The following MAGI3 variants were observed in gnomAD, a reference collection of about 807,000 sequenced individuals.
The protein encoded by MAGI3 is membrane-associated guanylate kinase, WW and PDZ domain-containing protein 3.
In MAGI3, 43 loss-of-function variants were observed where a neutral mutation model predicts 121.8. That is an observed-to-expected ratio of 0.35 (90% CI 0.28 to 0.46). The LOEUF (loss-of-function observed/expected upper bound fraction) is 0.46. Ranked by LOEUF, MAGI3 falls within the 20% of genes least tolerant of loss-of-function variation. The pLI, the probability that MAGI3 is intolerant of heterozygous loss-of-function variation, is 1.00. For synonymous variants in MAGI3, 553 were observed against 639.3 expected, an observed-to-expected ratio of 0.86 and a Z score of 2.04; for missense variants, 1,547 against 1,797.3, an observed-to-expected ratio of 0.86 and a Z score of 2.52.
At chr1:113,655,716 A>G (rs951858433) in intron 15 of MAGI3, among the ~76,000 whole-genome samples, 1 of 152,134 alleles carries the variant, frequency 6.6e-6, no homozygotes, top group Non-Finnish European at 1.5e-5. Context: ...GTCTTTTAAT[A>G]GCTGTCTGAT....
intron 1 of MAGI3, among the ~76,000 whole-genome samples, chr1:113,433,136 C>T (rs1351912718): frequency 2.0e-5 from 3 of 151,834 alleles, no homozygotes; most frequent in African/African-American, 7.3e-5. Context: ...GCATAATTTC[C>T]TCTATTAATG....
chr1:113,671,606 G>A (rs1647554158), intron 16 of MAGI3, 128 bp from the exon 17 acceptor site: 1 of 771,050 alleles, frequency 1.3e-6, no homozygotes, highest in South Asian at 1.8e-5. Context: ...CAATAGTGCT[G>A]TTCATGCTAA....
At chr1:113,668,412 A>G (rs1647295099) in intron 16 of MAGI3, among the ~76,000 whole-genome samples, 1 of 152,166 alleles carries the variant, frequency 6.6e-6, no homozygotes, top group Non-Finnish European at 1.5e-5. Flanking sequence ...ACATTATGGA[A>G]TAAATATTTG....
intron 1 of MAGI3, among the ~76,000 whole-genome samples, chr1:113,475,554 A>C (rs572215788): frequency 6.6e-6 from 1 of 152,290 alleles, no homozygotes; most frequent in Admixed American, 6.5e-5. Context: ...GCTTATGTTG[A>C]ACCAGCCTTG....
intron 1 of MAGI3, chr1:113,450,060 A>G: frequency 1.9e-6 from 3 of 1,542,276 alleles, no homozygotes; most frequent in Non-Finnish European, 2.7e-6. Flanking sequence ...ATATAATTTG[A>G]GAGACTTCTT....
intron 1 of MAGI3, among the ~76,000 whole-genome samples, chr1:113,507,805 A>G (rs1657417440): frequency 6.6e-6 from 1 of 152,236 alleles, no homozygotes; most frequent in South Asian, 2.1e-4. Context: ...TACCTACTAA[A>G]GAAAGACAGG....
chr1:113,547,200 GT>G (rs1659575380), intron 1 of MAGI3, among the ~76,000 whole-genome samples: 1 of 151,184 alleles, frequency 6.6e-6, no homozygotes, highest in South Asian at 2.1e-4. Context: ...TAATTTAATG[GT>G]TGTTATTTTA....
At chr1:113,539,909 C>A (rs1355476144) in intron 1 of MAGI3, among the ~76,000 whole-genome samples, 1 of 151,926 alleles carries the variant, frequency 6.6e-6, no homozygotes, top group Non-Finnish European at 1.5e-5. Flanking sequence ...CCTCTTCAAC[C>A]TCCCAGGTAG....
At chr1:113,596,541 A>C (rs1033215959) in intron 6 of MAGI3, among the ~76,000 whole-genome samples, 3 of 152,220 alleles carry the variant, frequency 2.0e-5, no homozygotes, top group Non-Finnish European at 4.4e-5. Context: ...ACCATTGAAA[A>C]ATGAATAGAC....
intron 1 of MAGI3, among the ~76,000 whole-genome samples, chr1:113,484,623 T>C (rs1656262766): frequency 6.8e-6 from 1 of 146,600 alleles, no homozygotes; most frequent in African/African-American, 2.5e-5. Context: ...TATATATATA[T>C]ACCTACCTTT....
At chr1:113,505,346 A>G (rs528915184) in intron 1 of MAGI3, among the ~76,000 whole-genome samples, 60 of 152,192 alleles carry the variant, frequency 3.9e-4, no homozygotes, top group African/African-American at 1.0e-3. Flanking sequence ...AAGCTCAGCA[A>G]TAGGTTTTGT....
chr1:113,514,912 A>G (rs1202755749), intron 1 of MAGI3, among the ~76,000 whole-genome samples: 4 of 152,164 alleles, frequency 2.6e-5, no homozygotes, highest in Admixed American at 6.6e-5. Flanking sequence ...GAAGAAAACT[A>G]AGAGAGGAAT....
intron 1 of MAGI3, among the ~76,000 whole-genome samples, chr1:113,421,682 G>T (rs1312907183): frequency 6.6e-6 from 1 of 151,152 alleles, no homozygotes; most frequent in East Asian, 1.9e-4. Context: ...CTTAATATAT[G>T]ATTCTTCATA....
In MAGI3 at chr1:113,552,251, C is replaced by T. The variant is rs572734272; in HGVS notation, c.433+2620C>T. On this transcript the variant is annotated intron_variant, in intron 2 of 20. Transcript: ENST00000307546. ...AGTTGTCTAAAGCTTTTTCTTTACTCGTTTTCCCAGCAAAGGCTCACAGGA... is the reference window on the plus strand; with the variant it reads ...AGTTGTCTAAAGCTTTTTCTTTACTTGTTTTCCCAGCAAAGGCTCACAGGA... Among the ~76,000 whole-genome samples, 13 of 152,186 alleles carry T rather than the reference C, an allele frequency of 8.5e-5. No homozygotes were observed. In the East Asian group the frequency reaches 2.1e-3, roughly 25 times the overall value.
chr1:113,509,850 TGG>T (rs1657528202), intron 1 of MAGI3, among the ~76,000 whole-genome samples: 1 of 143,360 alleles, frequency 7.0e-6, no homozygotes, highest in Non-Finnish European at 1.5e-5. Flanking sequence ...TGAGTGTGTG[TGG>T]GGTTTGTCTT....
chr1:113,489,366 A>T (rs1656565390), intron 1 of MAGI3, among the ~76,000 whole-genome samples: 1 of 152,168 alleles, frequency 6.6e-6, no homozygotes, highest in Non-Finnish European at 1.5e-5. Flanking sequence ...CATCAAATAG[A>T]ATAAAAGGAA....
In MAGI3 at chr1:113,452,298, A is replaced by G. The variant is rs868140970; in HGVS notation, c.316+60949A>G. Among the ~76,000 whole-genome samples, 8 of 152,138 alleles carry G rather than the reference A, an allele frequency of 5.3e-5. No homozygotes were observed. The South Asian group carries it at 1.7e-3, about 32-fold the overall frequency. The stretch of plus-strand genomic sequence containing the variant: ...GCATTCATTTATTTTTGGAGTTTTG[A>G]TCCGAAAGCTGCTTCATTGCAGAAT... On this transcript the variant is annotated intron_variant, in intron 1 of 20. Coordinates refer to ENST00000307546, the MANE Select transcript of MAGI3 (RefSeq NM_001142782.2).
intron 1 of MAGI3, among the ~76,000 whole-genome samples, chr1:113,520,410 AG>A (rs1658118866): frequency 6.6e-6 from 1 of 152,198 alleles, no homozygotes; most frequent in African/African-American, 2.4e-5. Flanking sequence ...GAAAGATGAC[AG>A]GAATGTAAAT....
chr1:113,434,020 G>A (rs563415982), intron 1 of MAGI3, among the ~76,000 whole-genome samples: 1 of 152,242 alleles, frequency 6.6e-6, no homozygotes, highest in African/African-American at 2.4e-5. Flanking sequence ...ATGGGAGCAT[G>A]TGCCTGTTAC....
Sources: allele counts gnomAD v4.1 joint callset (sites outside exome capture counted in the v4.1 genomes callset), GRCh38; gene constraint gnomAD v4.1.1; transcripts MANE v1.5; gene names NCBI Gene and HGNC (gene_info 2026-07-23, HGNC 2026-07-21).